Variants in SEMA6D observed in about 807,000 individuals in gnomAD.
SEMA6D encodes semaphorin-6D.
SEMA6D carries 35 observed loss-of-function variants against 106.6 expected under a neutral mutation model. The ratio of observed to expected loss-of-function variants is 0.33; its 90% confidence interval spans 0.25 to 0.44. The LOEUF is 0.44. Ranked by LOEUF, SEMA6D falls within the 20% of genes least tolerant of loss-of-function variation. The probability of loss-of-function intolerance (pLI) is 1.00; values close to 1 mark genes in which losing one functional copy is unlikely to be tolerated. For missense variants in SEMA6D, 1,185 were observed against 1,345.9 expected (o/e 0.88, Z 1.87); for synonymous variants, 499 against 487.7 (o/e 1.02, Z -0.31).
chr15:47,569,246 G>A (rs2046314287), intron 3 of SEMA6D, among the ~76,000 whole-genome samples: 1 of 152,030 alleles, frequency 6.6e-6, no homozygotes, highest in Admixed American at 6.6e-5. Flanking sequence ...ATGTGATTCT[G>A]ATTCTACATC....
At chr15:47,380,858 A>G (rs2039615619) in intron 1 of SEMA6D, among the ~76,000 whole-genome samples, 1 of 152,248 alleles carries the variant, frequency 6.6e-6, no homozygotes. Context: ...AGGCTCAAAG[A>G]TGACCCTAGA....
chr15:47,761,503 A>G (rs888030455), intron 6 of SEMA6D, 72 bp downstream of exon 6: 3 of 1,353,978 alleles, frequency 2.2e-6, no homozygotes. Flanking sequence ...GTTAGAGTTG[A>G]AATCTTTCTG....
chr15:47,203,822 A>G lies in SEMA6D; in HGVS notation c.-239+19404A>G, dbSNP rs557294439. Among the ~76,000 whole-genome samples, 26 of 152,342 alleles carry G rather than the reference A, an allele frequency of 1.7e-4. No individual in the cohort carries two copies. In the East Asian group the frequency reaches 5.0e-3, roughly 29 times the overall value. On this transcript the variant is annotated intron_variant, in intron 1 of 19. Coordinates refer to the SEMA6D transcript ENST00000558014. ...GAATGAATCTAATTGTTTTGTGGAC[A>G]TGAAAATCCACACATTCCTATTTGT...
intron 3 of SEMA6D, among the ~76,000 whole-genome samples, chr15:47,489,726 G>A (rs1052226288): frequency 9.2e-5 from 14 of 151,508 alleles, no homozygotes; most frequent in African/African-American, 1.7e-4. Flanking sequence ...ATCTTGGCTC[G>A]CTGCAACCTC....
intron 1 of SEMA6D, among the ~76,000 whole-genome samples, chr15:47,376,927 A>C (rs2039469954): frequency 6.6e-6 from 1 of 152,162 alleles, no homozygotes; most frequent in African/African-American, 2.4e-5. Context: ...TGTAGTTTAA[A>C]CAACCTATTT....
intron 1 of SEMA6D, among the ~76,000 whole-genome samples, chr15:47,355,966 G>T (rs2038548041): frequency 6.6e-6 from 1 of 152,146 alleles, no homozygotes; most frequent in African/African-American, 2.4e-5. Context: ...ACCATGGTAG[G>T]CATAGTGAGC....
At chr15:47,761,510 T>G in intron 6 of SEMA6D, 79 bp downstream of exon 6, 1 of 1,332,966 alleles carries the variant, frequency 7.5e-7, no homozygotes. Flanking sequence ...TTGAAATCTT[T>G]CTGCTTTCCA....
At chr15:47,547,868 T>G (rs1292907878) in intron 3 of SEMA6D, among the ~76,000 whole-genome samples, 3 of 152,170 alleles carry the variant, frequency 2.0e-5, no homozygotes, top group Non-Finnish European at 1.5e-5. Context: ...TCACCTACGC[T>G]AAGCAGATAC....
intron 4 of SEMA6D, among the ~76,000 whole-genome samples, chr15:47,682,026 A>G (rs1407859863): frequency 6.6e-6 from 1 of 152,220 alleles, no homozygotes; most frequent in African/African-American, 2.4e-5. Context: ...GCTCCATAAC[A>G]TTAATCTTCC....
At chr15:47,402,995 T>C (rs2040447063) in intron 1 of SEMA6D, among the ~76,000 whole-genome samples, 1 of 152,132 alleles carries the variant, frequency 6.6e-6, no homozygotes, top group African/African-American at 2.4e-5. Context: ...CAGAATCCTG[T>C]CCTGTTCACA....
intron 4 of SEMA6D, among the ~76,000 whole-genome samples, chr15:47,684,532 T>C (rs1357035822): frequency 1.3e-5 from 2 of 152,170 alleles, no homozygotes; most frequent in Admixed American, 6.5e-5. Context: ...AGCTCCATAA[T>C]AGCAGGAAAG....
chr15:47,455,018 A>G (rs2042305435), intron 2 of SEMA6D, among the ~76,000 whole-genome samples: 1 of 151,874 alleles, frequency 6.6e-6, no homozygotes, highest in African/African-American at 2.4e-5. Flanking sequence ...ATTTGAGATG[A>G]TCTCCTTAAA....
intron 2 of SEMA6D, among the ~76,000 whole-genome samples, chr15:47,414,286 CT>C (rs1438478032): frequency 6.6e-6 from 1 of 152,160 alleles, no homozygotes; most frequent in Non-Finnish European, 1.5e-5. Context: ...TTTCTAGGAA[CT>C]ACCACCAAAG....
intron 4 of SEMA6D, among the ~76,000 whole-genome samples, chr15:47,618,825 C>T (rs953108962): frequency 6.6e-6 from 1 of 152,168 alleles, no homozygotes. Context: ...TTCATCTATA[C>T]AGTAGGGCTA....
At chr15:47,189,861 TATG>T (rs1382954331) in intron 1 of SEMA6D, among the ~76,000 whole-genome samples, 12 of 152,210 alleles carry the variant, frequency 7.9e-5, no homozygotes, top group African/African-American at 2.7e-4. Flanking sequence ...TGCTTCCAAT[TATG>T]ATATAAATAG....
intron 4 of SEMA6D, among the ~76,000 whole-genome samples, chr15:47,666,097 G>A (rs1054498181): frequency 1.3e-5 from 2 of 152,176 alleles, no homozygotes; most frequent in African/African-American, 4.8e-5. Context: ...CAGACATCCC[G>A]AACATTTCTG....
intron 3 of SEMA6D, among the ~76,000 whole-genome samples, chr15:47,581,521 C>T (rs1439027541): frequency 3.3e-5 from 5 of 152,138 alleles, no homozygotes; most frequent in Non-Finnish European, 7.3e-5. Flanking sequence ...TGAACTGACA[C>T]CTGAATAACA....
chr15:47,321,838 T>C (rs1262278509), intron 1 of SEMA6D, among the ~76,000 whole-genome samples: 3 of 152,164 alleles, frequency 2.0e-5, no homozygotes, highest in African/African-American at 4.8e-5. Context: ...AAATGCTTAA[T>C]AAAACAATCT....
chr15:47,748,702 T>C (rs2081271572), intron 1 of SEMA6D, among the ~76,000 whole-genome samples: 1 of 152,076 alleles, frequency 6.6e-6, no homozygotes, highest in Non-Finnish European at 1.5e-5. Context: ...TTAGGTGAGA[T>C]GGAGAAGCTA....
Sources: gnomAD v4.1 joint callset for allele counts (sites outside exome capture counted in the v4.1 genomes callset) on GRCh38, gnomAD v4.1.1 for gene constraint, MANE v1.5 for transcripts, NCBI Gene and HGNC (gene_info 2026-07-23, HGNC 2026-07-21) for gene names.